Variants in RIMS1 observed in about 807,000 individuals in gnomAD.
RIMS1 encodes regulating synaptic membrane exocytosis protein 1.
A neutral mutation model predicts 214.1 loss-of-function variants in RIMS1; 83 were observed. That is an observed-to-expected ratio of 0.39 (90% CI 0.32 to 0.47). The LOEUF (loss-of-function observed/expected upper bound fraction) is 0.47. Ranked by LOEUF, RIMS1 falls within the 20% of genes least tolerant of loss-of-function variation. RIMS1 has a pLI of 0.99. For missense variants in RIMS1, 2,050 were observed against 2,161.8 expected, an observed-to-expected ratio of 0.95 and a Z score of 1.03; for synonymous variants, 793 against 786.8, an observed-to-expected ratio of 1.01 and a Z score of -0.13.
Position 72,165,513 on chromosome 6 carries a change from A to T in RIMS1, c.472-14062A>T, listed in dbSNP as rs150954091. On this transcript the variant is annotated intron_variant, in intron 4 of 33. Coordinates refer to ENST00000521978, the MANE Select transcript of RIMS1 (RefSeq NM_014989.7). ...TCTGTCTTCCTCTCTTTCTGCCTTTATATCTATCTGTGTGTGTCTCTCTCT... is the reference window on the plus strand; with the variant it reads ...TCTGTCTTCCTCTCTTTCTGCCTTTTTATCTATCTGTGTGTGTCTCTCTCT... Among the ~76,000 whole-genome samples the T allele has an allele frequency of 2.0e-3, 302 of 152,086 alleles. 6 individuals are homozygous for T. The East Asian group carries it at 0.047, about 24-fold the overall frequency.
At chr6:71,896,750 A>G (rs1771926280) in intron 1 of RIMS1, among the ~76,000 whole-genome samples, 1 of 152,136 alleles carries the variant, frequency 6.6e-6, no homozygotes, top group Non-Finnish European at 1.5e-5. Flanking sequence ...TGCTTCTATA[A>G]TTCCATATCC....
At chr6:72,191,810 G>A (rs1358457167) in intron 6 of RIMS1, among the ~76,000 whole-genome samples, 2 of 152,188 alleles carry the variant, frequency 1.3e-5, no homozygotes, top group East Asian at 3.9e-4. Flanking sequence ...ATAATTCACT[G>A]TCGTTCTCCA....
chr6:72,052,944 C>T lies in RIMS1; in HGVS notation c.246-44005C>T, dbSNP rs1825126574. The stretch of plus-strand genomic sequence containing the variant: ...CTGAGTGAGAGGATCCCTGCAGTTA[C>T]ACTAGTTCTACTATGTTGGACCACA... On this transcript the variant is annotated intron_variant, in intron 2 of 33. Coordinates refer to ENST00000521978, the MANE Select transcript of RIMS1 (RefSeq NM_014989.7). Among the ~76,000 whole-genome samples, 4 of 152,266 alleles carry T rather than the reference C, an allele frequency of 2.6e-5. No individual in the cohort carries two copies. In the South Asian group the frequency reaches 6.2e-4, roughly 24 times the overall value.
At chr6:71,902,781 G>A (rs1017633425) in intron 1 of RIMS1, among the ~76,000 whole-genome samples, 2 of 152,012 alleles carry the variant, frequency 1.3e-5, no homozygotes, top group African/African-American at 2.4e-5. Flanking sequence ...TGTGATATTC[G>A]GTTTTCTGTT....
At chr6:72,203,793 C>A (rs2052450451) in intron 6 of RIMS1, among the ~76,000 whole-genome samples, 1 of 152,056 alleles carries the variant, frequency 6.6e-6, no homozygotes, top group African/African-American at 2.4e-5. Context: ...TTTGAAAAAC[C>A]TGCTAGTATT....
At chr6:72,210,934 A>G (rs947795018) in intron 6 of RIMS1, among the ~76,000 whole-genome samples, 2 of 152,194 alleles carry the variant, frequency 1.3e-5, no homozygotes, top group African/African-American at 4.8e-5. Flanking sequence ...TGGAAGAAAT[A>G]ACAGAATGAA....
At chr6:72,064,029 A>G (rs1828608772) in intron 2 of RIMS1, among the ~76,000 whole-genome samples, 1 of 152,136 alleles carries the variant, frequency 6.6e-6, no homozygotes, top group Non-Finnish European at 1.5e-5. Context: ...GTCTAATGAA[A>G]TTACTTGGCT....
chr6:72,206,953 T>G (rs1211743394), intron 6 of RIMS1, among the ~76,000 whole-genome samples: 2 of 152,256 alleles, frequency 1.3e-5, no homozygotes, highest in South Asian at 2.1e-4. Context: ...GTATGACTAT[T>G]TATTTTTTGA....
chr6:71,964,550 G>A (rs929914884), intron 1 of RIMS1, among the ~76,000 whole-genome samples: 5 of 152,260 alleles, frequency 3.3e-5, no homozygotes, highest in South Asian at 2.1e-4. Flanking sequence ...TAGAAAATAC[G>A]TCCAGTCTGG....
chr6:72,130,852 G>C (rs1342967176), intron 4 of RIMS1, among the ~76,000 whole-genome samples: 3 of 152,026 alleles, frequency 2.0e-5, no homozygotes, highest in Non-Finnish European at 4.4e-5. Flanking sequence ...AGATACAAAG[G>C]CCAGGCATTT....
At chr6:72,095,670 G>A (rs1245066167) in intron 2 of RIMS1, among the ~76,000 whole-genome samples, 2 of 152,156 alleles carry the variant, frequency 1.3e-5, no homozygotes, top group Non-Finnish European at 2.9e-5. Flanking sequence ...GAGCTATTAA[G>A]GTTAAAAAGA....
intron 1 of RIMS1, among the ~76,000 whole-genome samples, chr6:71,901,038 G>A (rs534471717): frequency 6.6e-6 from 1 of 152,232 alleles, no homozygotes; most frequent in African/African-American, 2.4e-5. Context: ...AAATCAAAGG[G>A]AAGAGAGTAT....
At chr6:71,982,524 G>GCAT (rs769576775) in intron 2 of RIMS1, among the ~76,000 whole-genome samples, 37 of 152,080 alleles carry the variant, frequency 2.4e-4, no homozygotes, top group Non-Finnish European at 4.3e-4. Context: ...TCACACTCAT[G>GCAT]CATCCTTCTT....
intron 6 of RIMS1, among the ~76,000 whole-genome samples, chr6:72,189,904 T>C (rs1045255577): frequency 6.6e-6 from 1 of 152,214 alleles, no homozygotes; most frequent in East Asian, 1.9e-4. Flanking sequence ...TCATATGGGA[T>C]ACAAATATCT....
At chr6:71,946,355 G>A (rs997530960) in intron 1 of RIMS1, among the ~76,000 whole-genome samples, 3 of 152,204 alleles carry the variant, frequency 2.0e-5, no homozygotes, top group African/African-American at 7.2e-5. Context: ...CAAAGCTGGG[G>A]CCATCACACT....
intron 2 of RIMS1, among the ~76,000 whole-genome samples, chr6:72,021,576 G>A (rs1030820889): frequency 1.3e-5 from 2 of 152,164 alleles, no homozygotes; most frequent in African/African-American, 4.8e-5. Flanking sequence ...CCTGGTGCAC[G>A]AAGAAAGAAC....
At chr6:71,887,275 T>G in intron 1 of RIMS1, 88 bp downstream of exon 1, 4 of 1,504,178 alleles carry the variant, frequency 2.7e-6, no homozygotes, top group Non-Finnish European at 3.6e-6. Flanking sequence ...CGGCTGAGTG[T>G]GGGGAAGGGG....
intron 2 of RIMS1, among the ~76,000 whole-genome samples, chr6:72,078,979 T>G (rs1409659309): frequency 6.6e-6 from 1 of 152,184 alleles, no homozygotes; most frequent in Non-Finnish European, 1.5e-5. Flanking sequence ...AGTTCACGTT[T>G]GTATAACTTC....
At chr6:72,342,626 GGTGTGT>G (rs113847815) in intron 29 of RIMS1, among the ~76,000 whole-genome samples, 96 of 145,868 alleles carry the variant, frequency 6.6e-4, no homozygotes, top group Admixed American at 2.1e-3. Context: ...GAGTAAGATG[GGTGTGT>G]GTGTGTGTGT....
Sources: allele counts gnomAD v4.1 joint callset (sites outside exome capture counted in the v4.1 genomes callset), GRCh38; gene constraint gnomAD v4.1.1; transcripts MANE v1.5; gene names NCBI Gene and HGNC (gene_info 2026-07-23, HGNC 2026-07-21).